The following SH3GL2 variants were observed in gnomAD, a reference collection of about 807,000 sequenced individuals.
SH3GL2 encodes the protein endophilin-A1.
In SH3GL2, 24 loss-of-function variants were observed where a neutral mutation model predicts 46.0. The ratio of observed to expected loss-of-function variants is 0.52; its 90% CI spans 0.38 to 0.73. The LOEUF (loss-of-function observed/expected upper bound fraction) is 0.73. Among genes scored for constraint, SH3GL2 ranks in the 30% least tolerant of loss-of-function variants. SH3GL2 has a pLI of 0.00. For synonymous variants in SH3GL2, 196 were observed against 147.1 expected (o/e 1.33, Z -2.40); for missense variants, 413 against 424.2 (o/e 0.97, Z 0.23).
chr9:17,713,166 G>C (rs1270972013), intron 1 of SH3GL2, among the ~76,000 whole-genome samples: 1 of 151,022 alleles, frequency 6.6e-6, no homozygotes, highest in African/African-American at 2.4e-5. Flanking sequence ...TAAATGTGTT[G>C]ATTGATGTTT....
At chr9:17,756,567 C>G (rs571940045) in intron 2 of SH3GL2, among the ~76,000 whole-genome samples, 1 of 148,028 alleles carries the variant, frequency 6.8e-6, no homozygotes, top group South Asian at 2.1e-4. Flanking sequence ...TGAGTGAGAA[C>G]TTGCGGTGTT....
chr9:17,737,688 G>T (rs1353293171), intron 1 of SH3GL2, among the ~76,000 whole-genome samples: 3 of 151,830 alleles, frequency 2.0e-5, no homozygotes, highest in African/African-American at 4.8e-5. Flanking sequence ...CTGTTTTTTG[G>T]TTTTGGTCGT....
chr9:17,602,778 A>T (rs1818694729), intron 1 of SH3GL2, among the ~76,000 whole-genome samples: 1 of 93,068 alleles, frequency 1.1e-5, no homozygotes, highest in South Asian at 3.4e-4. Flanking sequence ...AGGTGAGAAT[A>T]ACAAGGACTT....
chr9:17,767,503 T>C (rs1330589134), intron 3 of SH3GL2, among the ~76,000 whole-genome samples: 1 of 152,238 alleles, frequency 6.6e-6, no homozygotes, highest in Non-Finnish European at 1.5e-5. Flanking sequence ...TTGGCATTCA[T>C]GTAGACAAAT....
At chr9:17,626,343 G>C (rs1364787484) in intron 1 of SH3GL2, among the ~76,000 whole-genome samples, 1 of 152,224 alleles carries the variant, frequency 6.6e-6, no homozygotes, top group Non-Finnish European at 1.5e-5. Flanking sequence ...GTGAGGGACA[G>C]TTGAGCCACT....
At chr9:17,625,102 T>C (rs1819251433) in intron 1 of SH3GL2, among the ~76,000 whole-genome samples, 1 of 152,198 alleles carries the variant, frequency 6.6e-6, no homozygotes, top group African/African-American at 2.4e-5. Flanking sequence ...GCCTGCATTT[T>C]AATGAACATG....
rs753940574 is a variant in SH3GL2, at chr9:17,747,156, G to A, written c.114+22G>A. On this transcript the variant is annotated intron_variant, in intron 2 of 8. Transcript: ENST00000380607. ...AAGGGTAAGCCTTCACTACTGCCTAGTGTTCCCTTTGACATAAACATGTCT... is the reference window on the plus strand; with the variant it reads ...AAGGGTAAGCCTTCACTACTGCCTAATGTTCCCTTTGACATAAACATGTCT... 2.2e-5 allele frequency: 33 copies of A among 1,518,052 alleles called. No individual in the cohort carries two copies. The South Asian group carries it at 3.7e-4, about 17-fold the overall frequency. 94.0% of individuals were successfully genotyped at this position (1,518,052 alleles called of 1,614,324 possible).
chr9:17,699,189 A>G (rs1034889933), intron 1 of SH3GL2, among the ~76,000 whole-genome samples: 1 of 151,666 alleles, frequency 6.6e-6, no homozygotes, highest in African/African-American at 2.4e-5. Flanking sequence ...AAATACAGAA[A>G]GACATGGGGG....
intron 1 of SH3GL2, among the ~76,000 whole-genome samples, chr9:17,630,097 A>C (rs1563789553): frequency 6.6e-6 from 1 of 152,268 alleles, no homozygotes; most frequent in East Asian, 1.9e-4. Context: ...CTGCTTTTGG[A>C]AATCAGGGTT....
intron 1 of SH3GL2, among the ~76,000 whole-genome samples, chr9:17,616,895 C>T (rs1819015724): frequency 6.6e-6 from 1 of 152,106 alleles, no homozygotes; most frequent in Admixed American, 6.5e-5. Flanking sequence ...AAAGGTTAGA[C>T]AGTGATGTCT....
In SH3GL2 at chr9:17,688,364, A is replaced by G. The variant is rs573361816; in HGVS notation, c.46-58702A>G. 2.0e-5 allele frequency among the ~76,000 whole-genome samples: 3 copies of G among 152,222 alleles called. No individual in the cohort carries two copies. The East Asian group carries it at 5.8e-4, about 29-fold the overall frequency. On this transcript the variant is annotated intron_variant, in intron 1 of 8. Transcript: ENST00000380607. ...AAAAAAATGTAGTTTGGGATGGAAAATGGGTGAAAGGAGAATATTAGATAT... is the reference window on the plus strand; with the variant it reads ...AAAAAAATGTAGTTTGGGATGGAAAGTGGGTGAAAGGAGAATATTAGATAT...
chr9:17,662,356 G>A (rs1820242975), intron 1 of SH3GL2, among the ~76,000 whole-genome samples: 1 of 152,196 alleles, frequency 6.6e-6, no homozygotes, highest in South Asian at 2.1e-4. Flanking sequence ...AGAAGCTGTA[G>A]TGAGAGAATA....
At chr9:17,765,532 C>T (rs1027423013) in intron 3 of SH3GL2, among the ~76,000 whole-genome samples, 9 of 152,192 alleles carry the variant, frequency 5.9e-5, no homozygotes, top group African/African-American at 2.2e-4. Context: ...CAAATTTGGT[C>T]ATATTATGTA....
chr9:17,589,166 A>G (rs1409908109), intron 1 of SH3GL2: 3 of 152,196 alleles, frequency 2.0e-5, no homozygotes, highest in Non-Finnish European at 2.9e-5. Flanking sequence ...TTCTTAATAC[A>G]TAAGGCTCAG....
intron 3 of SH3GL2, among the ~76,000 whole-genome samples, chr9:17,775,364 G>GA (rs1357424038): frequency 6.6e-6 from 1 of 152,032 alleles, no homozygotes; most frequent in Non-Finnish European, 1.5e-5. Flanking sequence ...CCAAAAGTGG[G>GA]AAAACAGAGA....
At chr9:17,612,993 G>T (rs1563781442) in intron 1 of SH3GL2, among the ~76,000 whole-genome samples, 1 of 152,032 alleles carries the variant, frequency 6.6e-6, no homozygotes, top group Non-Finnish European at 1.5e-5. Context: ...TATCCATCTT[G>T]TAGCGTGTAT....
rs1563786430 is a variant in SH3GL2 at position 17,622,987 on chromosome 9, T to TTTCCTTTCCG, written c.45+43709_45+43710insGTTCCTTTCC. Among the ~76,000 whole-genome samples the TTTCCTTTCCG allele has an allele frequency of 5.4e-3, 286 of 52,502 alleles. 4 individuals carry two copies. Among genetic ancestry groups the TTTCCTTTCCG allele is most frequent in the South Asian group, 0.011 (13 of 1,152 alleles). The allele number at this position is 52,502 out of a possible 152,430, so 34.4% of individuals were successfully genotyped here. A position where few individuals can be genotyped will look rare whatever the true frequency, so the allele number is the denominator to read the frequency against. On this transcript the variant is annotated intron_variant, in intron 1 of 8. Transcript: ENST00000380607. ...TCCCTTTTCCTTTCGTTTCCTTTCG[T>TTTCCTTTCCG]TTCCTTTCCTTTCCTTTCCTTTCCT... is the stretch of plus-strand genomic sequence containing the variant.
intron 1 of SH3GL2, among the ~76,000 whole-genome samples, chr9:17,720,357 C>G (rs966296211): frequency 1.3e-5 from 2 of 152,062 alleles, no homozygotes; most frequent in African/African-American, 2.4e-5. Context: ...AAGAATGATT[C>G]GCAAATCAGG....
At chr9:17,626,416 T>G (rs1819282425) in intron 1 of SH3GL2, among the ~76,000 whole-genome samples, 1 of 152,210 alleles carries the variant, frequency 6.6e-6, no homozygotes, top group Admixed American at 6.5e-5. Context: ...AGGTGTGGCT[T>G]CATTAAGGTC....
Sources: allele counts gnomAD v4.1 joint callset (sites outside exome capture counted in the v4.1 genomes callset), GRCh38; gene constraint gnomAD v4.1.1; transcripts MANE v1.5; gene names NCBI Gene and HGNC (gene_info 2026-07-23, HGNC 2026-07-21).